The following TLK1 variants were observed in gnomAD, a reference collection of about 807,000 sequenced individuals.
TLK1 encodes serine/threonine-protein kinase tousled-like 1.
TLK1 carries 24 observed loss-of-function variants against 105.3 expected under a neutral mutation model. The ratio of observed to expected loss-of-function variants is 0.23; its 90% CI spans 0.17 to 0.32. The LOEUF (loss-of-function observed/expected upper bound fraction) is 0.32, where lower values mean the gene tolerates loss of function less well. Ranked by LOEUF, TLK1 falls within the 10% of genes least tolerant of loss-of-function variation. The pLI is 1.00. For synonymous variants in TLK1, 321 were observed against 310.4 expected, an observed-to-expected ratio of 1.03 and a Z score of -0.36; for missense variants, 558 against 910.5, an observed-to-expected ratio of 0.61 and a Z score of 4.98.
At chr2:171,001,477 TC>T (rs1161413197) in intron 18 of TLK1, among the ~76,000 whole-genome samples, 1 of 152,198 alleles carries the variant, frequency 6.6e-6, no homozygotes, top group Non-Finnish European at 1.5e-5. Flanking sequence ...GTTCCAATTG[TC>T]CAGGCCTCCT....
chr2:171,099,069 T>G (rs959530439), intron 2 of TLK1, among the ~76,000 whole-genome samples: 3 of 152,054 alleles, frequency 2.0e-5, no homozygotes, highest in Non-Finnish European at 4.4e-5. Context: ...GATGTTCTAG[T>G]CAATGAAAAT....
intron 1 of TLK1, among the ~76,000 whole-genome samples, chr2:171,136,503 T>C (rs75120540): frequency 1.7e-4 from 26 of 151,948 alleles, no homozygotes; most frequent in African/African-American, 5.1e-4. Context: ...GAGGCGGAGG[T>C]TGCACCACTG....
chr2:171,143,021 T>TGA (rs1185676230), intron 1 of TLK1, among the ~76,000 whole-genome samples: 1 of 152,144 alleles, frequency 6.6e-6, no homozygotes, highest in Non-Finnish European at 1.5e-5. Context: ...GAAGTTGCAT[T>TGA]GAGCCAAGAT....
At chr2:171,100,193 G>A (rs1412738787) in intron 2 of TLK1, among the ~76,000 whole-genome samples, 1 of 152,150 alleles carries the variant, frequency 6.6e-6, no homozygotes, top group African/African-American at 2.4e-5. Context: ...CAAAAACACA[G>A]TGAGATCCCA....
chr2:171,191,403 C>T (rs1356171424), intron 1 of TLK1, among the ~76,000 whole-genome samples: 2 of 151,922 alleles, frequency 1.3e-5, no homozygotes, highest in Admixed American at 6.6e-5. Flanking sequence ...ACCCACCACC[C>T]CCCCCTCTAA....
At chr2:171,093,836 C>G (rs1689342878) in intron 2 of TLK1, among the ~76,000 whole-genome samples, 1 of 152,246 alleles carries the variant, frequency 6.6e-6, no homozygotes, top group Non-Finnish European at 1.5e-5. Flanking sequence ...TTGATCACTT[C>G]TGCATAATGA....
At chr2:171,023,410 C>CACAT (rs1685620039) in intron 12 of TLK1, among the ~76,000 whole-genome samples, 2 of 142,446 alleles carry the variant, frequency 1.4e-5, no homozygotes, top group African/African-American at 2.9e-5. Flanking sequence ...AATGCACTCA[C>CACAT]ACATACACAC....
intron 3 of TLK1, among the ~76,000 whole-genome samples, chr2:171,078,784 C>T (rs529177296): frequency 6.6e-6 from 1 of 152,120 alleles, no homozygotes; most frequent in African/African-American, 2.4e-5. Context: ...AATATTAAAC[C>T]TTGAAGGTTA....
chr2:171,072,060 G>T (rs1688284504), intron 3 of TLK1, among the ~76,000 whole-genome samples: 2 of 152,128 alleles, frequency 1.3e-5, no homozygotes, highest in Non-Finnish European at 2.9e-5. Flanking sequence ...CTTTGCTCAG[G>T]ATAGCTCTGG....
chr2:171,083,289 G>A (rs1264217042), intron 2 of TLK1, among the ~76,000 whole-genome samples: 129 of 152,182 alleles, frequency 8.5e-4, no homozygotes, highest in Non-Finnish European at 2.9e-5. Context: ...GCCTTTCTCT[G>A]TATTAACAAA....
chr2:171,169,502 C>T, intron 1 of TLK1, among the ~76,000 whole-genome samples: 1 of 152,168 alleles, frequency 6.6e-6, no homozygotes, highest in East Asian at 1.9e-4. Context: ...CTTTCCCAGG[C>T]TGGCCTTGAA....
chr2:171,040,613 C>T (rs1000009064), intron 11 of TLK1, among the ~76,000 whole-genome samples: 3 of 140,156 alleles, frequency 2.1e-5, no homozygotes, highest in Non-Finnish European at 3.0e-5. Flanking sequence ...CCTCTGTTGC[C>T]GAGGCTGGAG....
chr2:171,087,840 A>G (rs1023596803), intron 2 of TLK1, among the ~76,000 whole-genome samples: 2 of 152,268 alleles, frequency 1.3e-5, no homozygotes, highest in Non-Finnish European at 2.9e-5. Flanking sequence ...ACTAAGATGC[A>G]TAAGGCACAG....
intron 14 of TLK1, among the ~76,000 whole-genome samples, chr2:171,009,143 C>T (rs1684783614): frequency 6.6e-6 from 1 of 152,104 alleles, no homozygotes; most frequent in African/African-American, 2.4e-5. Flanking sequence ...ACGTGTAATG[C>T]TTATCTAAGT....
In TLK1 at chr2:171,086,638, C is replaced by CAAA. The variant is rs35913328; in HGVS notation, c.259-3789_259-3787dup. Among the ~76,000 whole-genome samples, 810 of 108,920 alleles carry CAAA rather than the reference C, an allele frequency of 7.4e-3. 8 individuals are homozygous for CAAA. The highest frequency in any genetic ancestry group is 0.01 in the South Asian group (36 of 3,552). The allele number at this position is 108,920 out of a possible 152,430, so 71.5% of individuals were successfully genotyped here. A position where few individuals can be genotyped will look rare whatever the true frequency, so the allele number is the denominator to read the frequency against. On this transcript the variant is annotated intron_variant, in intron 2 of 20. Transcript: ENST00000431350. ...AAGACTCCGTCTCAAAAAAAACAAA[C>CAAA]AAAAAAAAAAAACAGAAAAAAAAAG...
At chr2:171,125,423 T>C (rs1008742404) in intron 1 of TLK1, among the ~76,000 whole-genome samples, 62 of 152,214 alleles carry the variant, frequency 4.1e-4, no homozygotes, top group African/African-American at 1.5e-3. Flanking sequence ...AGCACGTCTA[T>C]ATTTTTCTCT....
At chr2:171,201,763 C>G (rs1196862251) in intron 1 of TLK1, among the ~76,000 whole-genome samples, 1 of 152,194 alleles carries the variant, frequency 6.6e-6, no homozygotes, top group Non-Finnish European at 1.5e-5. Flanking sequence ...GAAGTCATAT[C>G]TCTTCACGCA....
chr2:171,166,831 G>A (rs1692618322), intron 1 of TLK1, among the ~76,000 whole-genome samples: 1 of 152,160 alleles, frequency 6.6e-6, no homozygotes, highest in Non-Finnish European at 1.5e-5. Context: ...CCAAATGTCC[G>A]TCAACAAGAG....
chr2:171,041,447 G>C (rs911642158), intron 11 of TLK1, among the ~76,000 whole-genome samples: 1 of 152,158 alleles, frequency 6.6e-6, no homozygotes, highest in African/African-American at 2.4e-5. Context: ...CCACAGACCT[G>C]TACCGTCCAT....
Sources: gnomAD v4.1 joint callset for allele counts (sites outside exome capture counted in the v4.1 genomes callset) on GRCh38, gnomAD v4.1.1 for gene constraint, MANE v1.5 for transcripts, NCBI Gene and HGNC (gene_info 2026-07-23, HGNC 2026-07-21) for gene names.